TSHZ3: variants seen among roughly 807,000 people sequenced by gnomAD.
The protein encoded by TSHZ3 is teashirt homolog 3.
A neutral mutation model predicts 64.5 loss-of-function variants in TSHZ3; 10 were observed. That is an observed-to-expected ratio of 0.16 (90% CI 0.10 to 0.26). TSHZ3 has a LOEUF of 0.26. Among genes scored for constraint, TSHZ3 ranks in the 10% least tolerant of loss-of-function variants. The probability of loss-of-function intolerance (pLI) is 1.00; values close to 1 mark genes in which losing one functional copy is unlikely to be tolerated. For synonymous variants in TSHZ3, 608 were observed against 593.1 expected (o/e 1.03, Z -0.36); for missense variants, 1,242 against 1,421.7 (o/e 0.87, Z 2.03).
chr19:31,263,708 C>T (rs1976013902), intron 1 of TSHZ3, among the ~76,000 whole-genome samples: 1 of 152,220 alleles, frequency 6.6e-6, no homozygotes, highest in Non-Finnish European at 1.5e-5. Flanking sequence ...CCACTCCTCA[C>T]ATCCCCACCC....
chr19:31,168,124 G>A (rs1252113924), intron 5 of TSHZ3, among the ~76,000 whole-genome samples: 2 of 152,062 alleles, frequency 1.3e-5, no homozygotes, highest in African/African-American at 4.8e-5. Flanking sequence ...AAAAGTACTC[G>A]TGCATAATTG....
intron 5 of TSHZ3, among the ~76,000 whole-genome samples, chr19:31,175,141 A>G (rs1974589809): frequency 6.6e-6 from 1 of 152,162 alleles, no homozygotes; most frequent in Non-Finnish European, 1.5e-5. Context: ...CCAGTTCATC[A>G]TGACTGGCAA....
intron 1 of TSHZ3, among the ~76,000 whole-genome samples, chr19:31,339,026 T>A (rs1439110392): frequency 3.9e-5 from 6 of 152,000 alleles, no homozygotes; most frequent in Non-Finnish European, 8.8e-5. Flanking sequence ...TTCAAAATGA[T>A]AAATGGTACC....
intron 5 of TSHZ3, among the ~76,000 whole-genome samples, chr19:31,169,615 A>G (rs1282437609): frequency 6.6e-6 from 1 of 152,124 alleles, no homozygotes; most frequent in East Asian, 1.9e-4. Flanking sequence ...TTAAAATGGC[A>G]AATTTCTTAT....
At chr19:31,243,441 C>T (rs1975722015) in intron 1 of TSHZ3, among the ~76,000 whole-genome samples, 1 of 152,248 alleles carries the variant, frequency 6.6e-6, no homozygotes, top group South Asian at 2.1e-4. Context: ...CATCCATCCA[C>T]TCACCCCTGT....
At chr19:31,322,920 A>T (rs1431194373) in intron 1 of TSHZ3, among the ~76,000 whole-genome samples, 1 of 152,226 alleles carries the variant, frequency 6.6e-6, no homozygotes, top group Non-Finnish European at 1.5e-5. Flanking sequence ...TTAGCAATAT[A>T]TGTCTATTGA....
At chr19:31,161,855 G>A (rs148941221) in intron 5 of TSHZ3, among the ~76,000 whole-genome samples, 25 of 152,320 alleles carry the variant, frequency 1.6e-4, no homozygotes, top group African/African-American at 5.1e-4. Context: ...GGCATGAATC[G>A]TGGGCTATAT....
In TSHZ3 at chr19:31,277,292, A is replaced by G. The variant is rs370299241; in HGVS notation, c.2501T>C (p.Met834Thr). 1 of 1,613,738 alleles carries G rather than the reference A, an allele frequency of 6.2e-7. No homozygotes were observed. Among genetic ancestry groups the G allele is most frequent in the African/African-American group, 1.3e-5 (1 of 74,930 alleles). The change falls in exon 2 of 2, where the codon ATG becomes ACG. Residue 834 changes from methionine (M) to threonine (T), a missense_variant. Transcript: ENST00000240587. The surrounding 1 kb of genome is among the most constrained non-coding windows in gnomAD (Gnocchi z 4.5). ...ATTCTCGCGTAGCGGCGAGTTTGAC[A>G]TGAATGATACGACGGCAGATGTCTT... ...TAKTSAVVSFMSNSPLRENAL... is the reference protein window; with the variant it reads ...TAKTSAVVSFTSNSPLRENAL...
At chr19:31,306,574 C>A (rs1040926111) in intron 1 of TSHZ3, among the ~76,000 whole-genome samples, 4 of 152,054 alleles carry the variant, frequency 2.6e-5, no homozygotes, top group Non-Finnish European at 4.4e-5. Context: ...CGTATGTATG[C>A]GTGTGTGTGT....
At chr19:31,259,301 A>T (rs1483300513) in intron 1 of TSHZ3, among the ~76,000 whole-genome samples, 1 of 152,126 alleles carries the variant, frequency 6.6e-6, no homozygotes, top group Non-Finnish European at 1.5e-5. Flanking sequence ...ATAAGTGATA[A>T]AATTATATTA....
rs1480215308 is a variant in TSHZ3, at chr19:31,171,303, A to G, written n.810-14886T>C. ...ACGTCGCTCCCTGCACAGAAAGACA[A>G]TCACTGAGACAATGAGTATTGCCAG... is the stretch of plus-strand genomic sequence containing the variant. On this transcript the variant is annotated intron_variant and non_coding_transcript_variant, in intron 5 of 6. Transcript: ENST00000651361. Among the ~76,000 whole-genome samples the G allele has an allele frequency of 3.3e-5, 5 of 152,160 alleles. No individual in the cohort carries two copies. The South Asian group carries it at 1.0e-3, about 32-fold the overall frequency.
intron 5 of TSHZ3, among the ~76,000 whole-genome samples, chr19:31,193,896 A>G (rs1011097592): frequency 6.6e-6 from 1 of 152,226 alleles, no homozygotes; most frequent in Non-Finnish European, 1.5e-5. Context: ...GAAAAATAGT[A>G]ATGTTTTCTG....
chr19:31,150,654 T>G (rs1033323642), exon 7 of TSHZ3, among the ~76,000 whole-genome samples: 1 of 152,180 alleles, frequency 6.6e-6, no homozygotes, highest in Non-Finnish European at 1.5e-5. Context: ...TTGCAGCACA[T>G]ATTTCAGGCC....
intron 1 of TSHZ3, among the ~76,000 whole-genome samples, chr19:31,296,150 T>G (rs1466216691): frequency 6.6e-6 from 1 of 151,702 alleles, no homozygotes; most frequent in Non-Finnish European, 1.5e-5. Context: ...TGTGATTGTA[T>G]GTGGGCACCC....
chr19:31,171,176 A>T (rs940601824), intron 5 of TSHZ3, among the ~76,000 whole-genome samples: 4 of 152,134 alleles, frequency 2.6e-5, no homozygotes, highest in Non-Finnish European at 5.9e-5. Flanking sequence ...CCCGCTTGGT[A>T]GCCTTGCCTG....
chr19:31,213,994 C>G (rs1236675970), intron 4 of TSHZ3, among the ~76,000 whole-genome samples: 1 of 152,194 alleles, frequency 6.6e-6, no homozygotes, highest in Non-Finnish European at 1.5e-5. Context: ...TCTTCCTGCA[C>G]TTGGAATCGT....
intron 3 of TSHZ3, among the ~76,000 whole-genome samples, chr19:31,233,090 G>T (rs1245361940): frequency 2.0e-5 from 3 of 152,192 alleles, no homozygotes; most frequent in Non-Finnish European, 2.9e-5. Flanking sequence ...ACAGAGGAAT[G>T]GAGTTGCTGA....
chr19:31,350,728 G>C (rs2021696828), upstream of TSHZ3, among the ~76,000 whole-genome samples: 1 of 150,712 alleles, frequency 6.6e-6, no homozygotes, highest in Admixed American at 6.6e-5. Flanking sequence ...ACGGGCGGCG[G>C]TGAGGGCGCG....
At chr19:31,329,768 T>A (rs1917025080) in intron 1 of TSHZ3, among the ~76,000 whole-genome samples, 1 of 152,192 alleles carries the variant, frequency 6.6e-6, no homozygotes, top group Non-Finnish European at 1.5e-5. Flanking sequence ...CCTGTGTAAC[T>A]CCATCCCTTT....
Sources: gnomAD v4.1 joint callset for allele counts (sites outside exome capture counted in the v4.1 genomes callset) on GRCh38, gnomAD v4.1.1 for gene constraint, Gnocchi (gnomAD v3.1) non-coding constraint, MANE v1.5 for transcripts, NCBI Gene and HGNC (gene_info 2026-07-23, HGNC 2026-07-21) for gene names.